Variants in FRMPD2 observed in about 807,000 individuals in gnomAD.
FRMPD2 encodes the protein FERM and PDZ domain-containing protein 2.
In FRMPD2, 96 loss-of-function variants were observed where a neutral mutation model predicts 140.1. The ratio of observed to expected loss-of-function variants is 0.69; its 90% CI spans 0.58 to 0.81. The LOEUF (loss-of-function observed/expected upper bound fraction) is 0.81, where lower values mean the gene tolerates loss of function less well. Among genes scored for constraint, FRMPD2 ranks in the 40% least tolerant of loss-of-function variants. The pLI is 0.00. For synonymous variants in FRMPD2, 449 were observed against 547.6 expected (o/e 0.82, Z 2.52); for missense variants, 1,240 against 1,447.4 (o/e 0.86, Z 2.32).
intron 8 of FRMPD2, among the ~76,000 whole-genome samples, chr10:48,236,855 C>T (rs1485090881): frequency 6.6e-6 from 1 of 152,004 alleles, no homozygotes; most frequent in Admixed American, 6.5e-5. Flanking sequence ...TTGTATGTAT[C>T]AAAAGTATAA....
At chr10:48,206,559 C>G (rs1250563274) in intron 14 of FRMPD2, among the ~76,000 whole-genome samples, 189 bp downstream of exon 14, 1 of 152,140 alleles carries the variant, frequency 6.6e-6, no homozygotes, top group Non-Finnish European at 1.5e-5. Context: ...TGAGGACCTC[C>G]CAAAATCCCT....
At chr10:48,269,227 G>A (rs915558865) in intron 1 of FRMPD2, among the ~76,000 whole-genome samples, 1 of 152,166 alleles carries the variant, frequency 6.6e-6, no homozygotes, top group Non-Finnish European at 1.5e-5. Flanking sequence ...CAAGGTGGGG[G>A]CTGCAGACCA....
chr10:48,252,326 A>G (rs954662092), intron 1 of FRMPD2, among the ~76,000 whole-genome samples: 1 of 152,126 alleles, frequency 6.6e-6, no homozygotes, highest in Non-Finnish European at 1.5e-5. Context: ...CAGGGCCTTT[A>G]GACCAAAGCT....
At chr10:48,193,628 G>C (rs577799553) in intron 15 of FRMPD2, among the ~76,000 whole-genome samples, 4 of 152,314 alleles carry the variant, frequency 2.6e-5, no homozygotes, top group Admixed American at 6.5e-5. Flanking sequence ...ATAAAGCCAA[G>C]TTAGTATTTT....
intron 14 of FRMPD2, among the ~76,000 whole-genome samples, chr10:48,202,332 G>C (rs1045581232): frequency 6.6e-6 from 1 of 152,026 alleles, no homozygotes; most frequent in East Asian, 1.9e-4. Flanking sequence ...CCTCTTTAAG[G>C]CTTATCTCTT....
intron 8 of FRMPD2, 53 bp downstream of exon 8, chr10:48,237,938 A>C: frequency 1.9e-6 from 3 of 1,610,502 alleles, no homozygotes; most frequent in Non-Finnish European, 2.5e-6. Context: ...AGCCACCCAC[A>C]GCTCCCTGCT....
At chr10:48,200,850 T>C (rs1054801084) in intron 15 of FRMPD2, among the ~76,000 whole-genome samples, 2 of 152,264 alleles carry the variant, frequency 1.3e-5, no homozygotes, top group African/African-American at 4.8e-5. Context: ...AAATGGTCAC[T>C]GTCATAAATG....
In FRMPD2 at chr10:48,274,667, C is replaced by T. The variant is rs1419586434; in HGVS notation, c.-100G>A. The T allele has an allele frequency of 1.8e-6, 2 of 1,098,204 alleles. No homozygotes were observed. The highest frequency in any genetic ancestry group is 1.6e-5 in the African/African-American group (1 of 64,258). The allele number at this position is 1,098,204 out of a possible 1,614,324, so 68.0% of individuals were successfully genotyped here. ...AGTCTGTCCGCGGAGCTCCCTGCCA[C>T]CAGCACTGTTGCCGCTGTCTTTGTT... On this transcript the variant is annotated 5_prime_UTR_variant, in exon 1 of 29. In the 5' UTR this introduces an upstream ATG that the reference lacks. Coordinates refer to ENST00000374201, the MANE Select transcript of FRMPD2 (RefSeq NM_001018071.4).
Position 48,192,702 on chromosome 10 carries a change from G to A in FRMPD2, c.2147C>T (p.Ala716Val), listed in dbSNP as rs138806670. The change falls in exon 16 of 29, where the codon GCA becomes GTA. Residue 716 changes from alanine to valine, a missense_variant. Physicochemically the swap from Ala to Val is moderately conservative, Grantham distance 64. Coordinates refer to ENST00000374201, the MANE Select transcript of FRMPD2 (RefSeq NM_001018071.4). The part of the protein sequence containing the change: ...FNVDGSKEAG[A>V]EGIGRSPCTG... Reference sequence around the variant, plus strand: ...CACCCACCTGCGCCCGATGCCTTCTGCTCCAGCCTCCTTGCTGCCGTCCAC... The same window carrying A: ...CACCCACCTGCGCCCGATGCCTTCTACTCCAGCCTCCTTGCTGCCGTCCAC... 5.4e-5 allele frequency: 87 copies of A among 1,613,938 alleles called. No homozygotes were observed. Among genetic ancestry groups the A allele is most frequent in the Non-Finnish European group, 7.0e-5 (83 of 1,179,996 alleles).
At chr10:48,199,881 C>T (rs1839042052) in intron 15 of FRMPD2, 2 of 152,110 alleles carry the variant, frequency 1.3e-5, no homozygotes, top group Non-Finnish European at 2.9e-5. Flanking sequence ...GAATATGAGT[C>T]ACTTTGGGGT....
intron 2 of FRMPD2, among the ~76,000 whole-genome samples, chr10:48,251,122 G>A (rs1169426522): frequency 1.3e-5 from 2 of 152,148 alleles, no homozygotes; most frequent in Non-Finnish European, 1.5e-5. Flanking sequence ...TTCTGATGGG[G>A]CACAGACTAG....
chr10:48,208,236 T>A (rs1395424920), intron 13 of FRMPD2, among the ~76,000 whole-genome samples: 2 of 152,238 alleles, frequency 1.3e-5, no homozygotes, highest in African/African-American at 4.8e-5. Flanking sequence ...TTTTAAAAAT[T>A]AAGCATTAAT....
At position 48,184,557 on chromosome 10, in the gene FRMPD2, A is replaced by C. The variant is rs2131836943; in HGVS notation, c.2584+9T>G. 6.4e-7 allele frequency: 1 copy of C among 1,563,286 alleles called. No homozygotes were observed. Among genetic ancestry groups the C allele is most frequent in the East Asian group, 2.2e-5 (1 of 44,616 alleles). Reference sequence around the variant, plus strand: ...CCTCTTAAGCTCCCAAGAGTGGGTTAAAACATACCTTTTGACTGAGAAATA... The same window carrying C: ...CCTCTTAAGCTCCCAAGAGTGGGTTCAAACATACCTTTTGACTGAGAAATA... On this transcript the variant is annotated intron_variant, in intron 20 of 28. Transcript: ENST00000374201.
rs375726566 is a variant in FRMPD2, at chr10:48,239,223, A to G, written c.788+382T>C. 1.1e-4 allele frequency among the ~76,000 whole-genome samples: 17 copies of G among 152,354 alleles called. No individual in the cohort carries two copies. The East Asian group carries it at 2.9e-3, about 26-fold the overall frequency. On this transcript the variant is annotated intron_variant, in intron 7 of 28. Coordinates refer to ENST00000374201, the MANE Select transcript of FRMPD2 (RefSeq NM_001018071.4). ...GACCTCCCAGCTGAGCACAGCCTAA[A>G]TGACCAACTCACAGAATCATGAGCT...
At chr10:48,251,469 G>A in intron 2 of FRMPD2, 97 bp downstream of exon 2, 2 of 1,458,340 alleles carry the variant, frequency 1.4e-6, no homozygotes, top group Non-Finnish European at 1.9e-6. Context: ...GCTCTCAGAG[G>A]TTGATTTAAA....
At chr10:48,198,051 A>C (rs1838994294) in intron 15 of FRMPD2, among the ~76,000 whole-genome samples, 1 of 152,228 alleles carries the variant, frequency 6.6e-6, no homozygotes, top group African/African-American at 2.4e-5. Flanking sequence ...TAATAACAAT[A>C]GTAAATAGCT....
At chr10:48,269,757 G>A (rs998918031) in intron 1 of FRMPD2, among the ~76,000 whole-genome samples, 11 of 152,156 alleles carry the variant, frequency 7.2e-5, no homozygotes, top group African/African-American at 2.7e-4. Flanking sequence ...AAAAATACTG[G>A]TTAGTGAAGA....
At chr10:48,229,349 G>A (rs940390963) in intron 10 of FRMPD2, among the ~76,000 whole-genome samples, 2 of 152,138 alleles carry the variant, frequency 1.3e-5, no homozygotes, top group Admixed American at 1.3e-4. Flanking sequence ...ACAGTGACCA[G>A]TGATTCTACT....
Position 48,222,468 on chromosome 10 carries a change from A to G in FRMPD2, c.1317-17T>C. On this transcript the variant is annotated splice_polypyrimidine_tract_variant and intron_variant, in intron 11 of 28. Transcript: ENST00000374201. The stretch of plus-strand genomic sequence containing the variant: ...AGGCTGTGCCTGGAAAAGAAGTAGC[A>G]ATAAAAAGGGCTGGGTTGCTAAGGG... The G allele has an allele frequency of 6.2e-7, 1 of 1,613,344 alleles. No homozygotes were observed. Among genetic ancestry groups the G allele is most frequent in the Non-Finnish European group, 8.5e-7 (1 of 1,179,648 alleles).
Sources: allele counts gnomAD v4.1 joint callset (sites outside exome capture counted in the v4.1 genomes callset), GRCh38; gene constraint gnomAD v4.1.1; transcripts MANE v1.5; gene names NCBI Gene and HGNC (gene_info 2026-07-23, HGNC 2026-07-21).